The following CLASP2 variants were observed in gnomAD, a reference collection of about 807,000 sequenced individuals.
CLASP2 encodes CLIP-associating protein 2.
A neutral mutation model predicts 194.4 loss-of-function variants in CLASP2; 47 were observed. The ratio of observed to expected loss-of-function variants is 0.24; its 90% CI spans 0.19 to 0.31. The LOEUF (loss-of-function observed/expected upper bound fraction) is 0.31, where lower values mean the gene tolerates loss of function less well. CLASP2 is among the 10% of genes least tolerant of loss of function. CLASP2 has a pLI of 1.00. For synonymous variants in CLASP2, 619 were observed against 633.5 expected (o/e 0.98, Z 0.34); for missense variants, 1,445 against 1,823.6 (o/e 0.79, Z 3.78).
At chr3:33,695,540 G>A (rs1300397507) in intron 2 of CLASP2, among the ~76,000 whole-genome samples, 1 of 152,038 alleles carries the variant, frequency 6.6e-6, no homozygotes, top group Non-Finnish European at 1.5e-5. Flanking sequence ...AAAACTGACA[G>A]AATGGTAGGT....
At chr3:33,704,476 G>A (rs2092569556) in intron 1 of CLASP2, among the ~76,000 whole-genome samples, 1 of 152,198 alleles carries the variant, frequency 6.6e-6, no homozygotes, top group African/African-American at 2.4e-5. Context: ...TGGCAGCCAG[G>A]CACAGTGGCT....
intron 1 of CLASP2, among the ~76,000 whole-genome samples, chr3:33,708,554 A>G (rs200143471): frequency 0.2 from 28,201 of 142,378 alleles, 3,166 homozygotes; most frequent in Admixed American, 0.32. Context: ...GTATATATAT[A>G]TATATATACA....
chr3:33,540,800 C>G (rs1019986219), intron 32 of CLASP2, among the ~76,000 whole-genome samples: 1 of 144,736 alleles, frequency 6.9e-6, no homozygotes, highest in African/African-American at 2.5e-5. Flanking sequence ...TGAGACGGAG[C>G]CTTGCTCTGT....
intron 1 of CLASP2, among the ~76,000 whole-genome samples, chr3:33,699,267 TAGG>T (rs142852055): frequency 6.3e-4 from 96 of 152,142 alleles, no homozygotes; most frequent in African/African-American, 2.2e-3. Flanking sequence ...CATAATGTCA[TAGG>T]AATTCTAGAA....
At chr3:33,514,988 A>G (rs111727028) in intron 36 of CLASP2, among the ~76,000 whole-genome samples, 2,591 of 152,238 alleles carry the variant, frequency 0.017, 71 homozygotes, top group African/African-American at 0.058. Context: ...ACCAAACATC[A>G]TATGTTCTCA....
intron 35 of CLASP2, 75 bp downstream of exon 35, chr3:33,516,906 G>C (rs998334159): frequency 1.2e-5 from 15 of 1,253,154 alleles, no homozygotes; most frequent in Admixed American, 2.1e-5. Context: ...TGCTAAATCC[G>C]TGTAGCATTA....
At position 33,576,097 on chromosome 3, in the gene CLASP2, A is replaced by G. The variant is rs895861786; in HGVS notation, c.2454+72T>C. The G allele has an allele frequency of 9.3e-6, 11 of 1,183,298 alleles. 1 individual carries two copies. The Admixed American group carries it at 1.5e-4, about 16-fold the overall frequency. 73.3% of individuals were successfully genotyped at this position (1,183,298 alleles called of 1,614,324 possible). Reference sequence around the variant, plus strand: ...TTTCCCCAACCCCTTTCCCACATGGATAGACTGGCCTACTCATTCAACAGT... The same window carrying G: ...TTTCCCCAACCCCTTTCCCACATGGGTAGACTGGCCTACTCATTCAACAGT... On this transcript the variant is annotated intron_variant, in intron 24 of 38. Coordinates refer to ENST00000682230, the MANE Select transcript of CLASP2 (RefSeq NM_001365631.1).
Position 33,573,119 on chromosome 3 carries a change from C to G in CLASP2, c.2690G>C (p.Arg897Thr), listed in dbSNP as rs1362065184. 1 of 1,613,464 alleles carries G rather than the reference C, an allele frequency of 6.2e-7. No individual in the cohort carries two copies. Among genetic ancestry groups the G allele is most frequent in the South Asian group, 1.1e-5 (1 of 91,062 alleles). ...LGLQNLLKNQ[R>T]TLSRVELKRL... is the part of the protein sequence containing the mutation. ...AGACAACGCATCTCACCTTAGTGTT[C>G]TCTGATTTTTTAATAAGTTCTGCAG... The change falls in exon 25 of 39, where the codon AGA becomes ACA. Residue 897 changes from arginine (R) to threonine (T), a missense_variant. By Grantham distance (71) the Arg-to-Thr change is moderately conservative. Around this residue, in one of 4 missense-constraint regions of CLASP2, gnomAD observed 732 missense variants for 987.9 expected, o/e 0.74. Coordinates refer to ENST00000682230, the MANE Select transcript of CLASP2 (RefSeq NM_001365631.1).
At chr3:33,531,365 G>A (rs1393801947) in intron 34 of CLASP2, among the ~76,000 whole-genome samples, 1 of 152,094 alleles carries the variant, frequency 6.6e-6, no homozygotes, top group Non-Finnish European at 1.5e-5. Flanking sequence ...TAAACAACCT[G>A]ATTCAAACAT....
At chr3:33,521,150 T>C (rs2052958484) in intron 34 of CLASP2, among the ~76,000 whole-genome samples, 2 of 152,178 alleles carry the variant, frequency 1.3e-5, no homozygotes, top group Admixed American at 1.3e-4. Flanking sequence ...ATGATTGTTA[T>C]AATGGGAAAC....
At chr3:33,687,440 C>T (rs1211253363) in intron 4 of CLASP2, among the ~76,000 whole-genome samples, 3 of 152,140 alleles carry the variant, frequency 2.0e-5, no homozygotes, top group Non-Finnish European at 2.9e-5. Flanking sequence ...CTATGAATAA[C>T]TTAAGAAAAT....
intron 1 of CLASP2, among the ~76,000 whole-genome samples, chr3:33,697,271 C>A (rs1406353348): frequency 6.6e-6 from 1 of 152,178 alleles, no homozygotes; most frequent in Non-Finnish European, 1.5e-5. Context: ...AATGTATCAT[C>A]AGGTAATTTT....
intron 3 of CLASP2, among the ~76,000 whole-genome samples, chr3:33,689,015 A>G (rs969069905): frequency 6.6e-6 from 1 of 152,076 alleles, no homozygotes; most frequent in Non-Finnish European, 1.5e-5. Context: ...TCCTTTCTCC[A>G]CATTTGGAAA....
intron 6 of CLASP2, among the ~76,000 whole-genome samples, chr3:33,674,103 G>A (rs1156578802): frequency 6.6e-6 from 1 of 152,180 alleles, no homozygotes; most frequent in Non-Finnish European, 1.5e-5. Context: ...CTAATAGACA[G>A]CTACAGAACT....
chr3:33,602,329 G>T (rs1220621000), intron 18 of CLASP2: 6 of 541,050 alleles, frequency 1.1e-5, no homozygotes, highest in Non-Finnish European at 2.0e-5. Context: ...GAGCATTTCA[G>T]ATTTCAGATT....
intron 8 of CLASP2, among the ~76,000 whole-genome samples, chr3:33,638,336 G>A (rs1054122330): frequency 1.5e-4 from 23 of 151,654 alleles, no homozygotes; most frequent in Admixed American, 5.3e-4. Flanking sequence ...ATGGAGTCTC[G>A]CTCCGTCGCC....
rs115971084 is a variant in CLASP2, at chr3:33,714,583, C to T, written c.195+3225G>A. Among the ~76,000 whole-genome samples, 338 of 152,226 alleles carry T rather than the reference C, an allele frequency of 2.2e-3. 5 individuals carry two copies. The highest frequency in any genetic ancestry group is 7.8e-3 in the African/African-American group (325 of 41,528). ...AACCCAATCCACCAGGAGCTCCTGT[C>T]GGATCTACCACCAAATCACAGCCCA... On this transcript the variant is annotated intron_variant, in intron 1 of 38. Transcript: ENST00000682230.
chr3:33,611,700 C>G (rs543857354), intron 13 of CLASP2, among the ~76,000 whole-genome samples: 4 of 152,088 alleles, frequency 2.6e-5, no homozygotes, highest in Non-Finnish European at 5.9e-5. Flanking sequence ...CAGTCAATGG[C>G]AGTTGTAGGA....
At chr3:33,626,699 G>A (rs2078114121) in intron 10 of CLASP2, among the ~76,000 whole-genome samples, 1 of 152,058 alleles carries the variant, frequency 6.6e-6, no homozygotes, top group African/African-American at 2.4e-5. Flanking sequence ...CCACAGAAAG[G>A]CTAAAGCCCT....
Sources: allele counts gnomAD v4.1 joint callset (sites outside exome capture counted in the v4.1 genomes callset), GRCh38; gene constraint gnomAD v4.1.1; regional missense constraint gnomAD v4.1.1; transcripts MANE v1.5; gene names NCBI Gene and HGNC (gene_info 2026-07-23, HGNC 2026-07-21).